The following ANKRD16 variants were observed in gnomAD, a reference collection of about 807,000 sequenced individuals.
ANKRD16 encodes the protein ankyrin repeat domain-containing protein 16.
A neutral mutation model predicts 37.9 loss-of-function variants in ANKRD16; 35 were observed. The observed-to-expected ratio is 0.92, with a 90% CI of 0.71 to 1.23. ANKRD16 has a LOEUF of 1.23. Ranked by LOEUF, ANKRD16 falls within the 50% of genes most tolerant of loss-of-function variation. The pLI is 0.00. For synonymous variants in ANKRD16, 206 were observed against 197.2 expected (o/e 1.04, Z -0.37); for missense variants, 480 against 469.9 (o/e 1.02, Z -0.20).
At position 5,889,387 on chromosome 10, in the gene ANKRD16, C is replaced by T; in HGVS notation, c.-33G>A. 2 of 1,184,212 alleles carry T rather than the reference C, an allele frequency of 1.7e-6. No homozygotes were observed. The highest frequency in any genetic ancestry group is 2.1e-6 in the Non-Finnish European group (2 of 958,640). 73.4% of individuals were successfully genotyped at this position (1,184,212 alleles called of 1,614,324 possible). On this transcript the variant is annotated 5_prime_UTR_variant, in exon 1 of 8. Coordinates refer to ENST00000380094, the MANE Select transcript of ANKRD16 (RefSeq NM_019046.3). The stretch of plus-strand genomic sequence containing the variant: ...GGTCGGGCCGGGCTGCGCGGGGAGG[C>T]GGCGGGCGGGACACCGGCGGCCGGG...
Position 5,862,403 on chromosome 10 carries a change from C to T in ANKRD16, c.*322G>A. 4.6e-6 allele frequency: 2 copies of T among 434,136 alleles called. No homozygotes were observed. The highest frequency in any genetic ancestry group is 9.0e-6 in the Non-Finnish European group (2 of 221,056). 26.9% of individuals were successfully genotyped at this position (434,136 alleles called of 1,614,324 possible). Reference sequence around the variant, plus strand: ...AGGCACCACCTCAATCTGGGCCTGTCTGCTGTGGCTGGTCAGTTTCACTAT... The same window carrying T: ...AGGCACCACCTCAATCTGGGCCTGTTTGCTGTGGCTGGTCAGTTTCACTAT... On this transcript the variant is annotated 3_prime_UTR_variant, in exon 8 of 8. Transcript: ENST00000380094. The surrounding 1 kb of genome is among the most constrained non-coding windows in gnomAD (Gnocchi z 6.5).
Position 5,864,402 on chromosome 10 carries a change from C to T in ANKRD16, c.*34-1711G>A, listed in dbSNP as rs2131750986. Among the ~76,000 whole-genome samples the T allele has an allele frequency of 6.6e-6, 1 of 152,214 alleles. No homozygotes were observed. The highest frequency in any genetic ancestry group is 1.9e-4 in the East Asian group (1 of 5,186). On this transcript the variant is annotated intron_variant, in intron 7 of 7. Transcript: ENST00000380094. This position sits in a 1 kb window ranked among gnomAD's most constrained non-coding sequence, Gnocchi z 4.4. ...GTATGGGGAGGGGAATTTGGCCCAA[C>T]CCGGGTACATGTCCCCTTCTCCTTC...
At position 5,882,064 on chromosome 10, in the gene ANKRD16, C is replaced by T. The variant is rs924494934; in HGVS notation, c.849+942G>A. ...GGGATTACAGGAGTGAGCCACTGCG[C>T]CTGGCCTATAAAATAATTTATACAC... is the stretch of plus-strand genomic sequence containing the variant. On this transcript the variant is annotated intron_variant, in intron 5 of 7. Transcript: ENST00000380094. Among the ~76,000 whole-genome samples the T allele has an allele frequency of 2.6e-5, 4 of 151,990 alleles. No individual in the cohort carries two copies. In the South Asian group the frequency reaches 8.3e-4, roughly 32 times the overall value.
rs769790484 is a variant in ANKRD16, at chr10:5,884,035, G to A, written c.621C>T (p.Thr207=). ...EPDYRDNCGV[T]ALMDAIQCGH... ...CACACTGGATTGCGTCCATCAAGGCGGTGACGCCACAGTTGTCTCTGTAGT... is the reference window on the plus strand; with the variant it reads ...CACACTGGATTGCGTCCATCAAGGCAGTGACGCCACAGTTGTCTCTGTAGT... The change falls in exon 4 of 8, where the codon ACC becomes ACT. Residue 207 remains threonine (T), a synonymous_variant. Transcript: ENST00000380094. The A allele has an allele frequency of 1.9e-5, 30 of 1,614,028 alleles. No individual in the cohort carries two copies. The highest frequency in any genetic ancestry group is 1.6e-4 in the Middle Eastern group (1 of 6,084).
intron 5 of ANKRD16, among the ~76,000 whole-genome samples, chr10:5,881,324 A>C (rs917870243): frequency 6.6e-6 from 1 of 150,830 alleles, no homozygotes; most frequent in Non-Finnish European, 1.5e-5. Flanking sequence ...CTCTTTGTTG[A>C]AATCTTTAGG....
intron 5 of ANKRD16, 63 bp downstream of exon 5, chr10:5,882,943 A>C: frequency 1.3e-6 from 2 of 1,553,446 alleles, no homozygotes; most frequent in Non-Finnish European, 1.7e-6. Flanking sequence ...CTGCAGAGCT[A>C]CTGATCAAAG....
intron 4 of ANKRD16, 106 bp downstream of exon 4, chr10:5,883,863 G>A: frequency 1.1e-6 from 1 of 913,440 alleles, no homozygotes; most frequent in Non-Finnish European, 1.7e-6. Flanking sequence ...GTTTGGAGGG[G>A]CTGGGGAATG....
At chr10:5,872,700 G>A (rs999600480) in intron 7 of ANKRD16, among the ~76,000 whole-genome samples, 5 of 149,820 alleles carry the variant, frequency 3.3e-5, no homozygotes, top group African/African-American at 9.8e-5. Flanking sequence ...AGGACTACAG[G>A]CGCCCGCCAC....
intron 5 of ANKRD16, among the ~76,000 whole-genome samples, chr10:5,882,009 G>GATCC (rs1331613745): frequency 6.6e-6 from 1 of 151,642 alleles, no homozygotes; most frequent in Non-Finnish European, 1.5e-5. Context: ...TTGACCCCGT[G>GATCC]ATCCGCCCGC....
intron 2 of ANKRD16, 89 bp downstream of exon 2, chr10:5,887,758 G>A: frequency 2.0e-6 from 2 of 993,262 alleles, no homozygotes; most frequent in Non-Finnish European, 2.7e-6. Context: ...CCTTTCCCCT[G>A]AAGGTGACCT....
At chr10:5,879,199 C>G (rs564106450) in intron 6 of ANKRD16, among the ~76,000 whole-genome samples, 1 of 152,266 alleles carries the variant, frequency 6.6e-6, no homozygotes, top group South Asian at 2.1e-4. Context: ...CTAGGCCAGG[C>G]GCGGTGGCTC....
chr10:5,864,999 C>T lies in ANKRD16; in HGVS notation c.*34-2308G>A, dbSNP rs1205336412. Among the ~76,000 whole-genome samples the T allele has an allele frequency of 6.6e-6, 1 of 152,182 alleles. No homozygotes were observed. Among genetic ancestry groups the T allele is most frequent in the Non-Finnish European group, 1.5e-5 (1 of 68,030 alleles). On this transcript the variant is annotated intron_variant, in intron 7 of 7. Transcript: ENST00000380094. This position sits in a 1 kb window ranked among gnomAD's most constrained non-coding sequence, Gnocchi z 4.4. ...CAGGAGAGAGCTCCAAAAGCGAGCC[C>T]TGGGCCCTGAACAAAATCTGGAGGC...
chr10:5,872,801 C>CT (rs1320864866), intron 7 of ANKRD16, among the ~76,000 whole-genome samples: 2 of 151,780 alleles, frequency 1.3e-5, no homozygotes, highest in Admixed American at 6.6e-5. Flanking sequence ...CGTGATCTGC[C>CT]CCCCTTGGCC....
At chr10:5,879,901 G>A (rs964655146) in intron 6 of ANKRD16, among the ~76,000 whole-genome samples, 2 of 152,160 alleles carry the variant, frequency 1.3e-5, no homozygotes, top group Admixed American at 6.5e-5. Flanking sequence ...GCTCATGCCT[G>A]TAATCCCAGC....
intron 7 of ANKRD16, among the ~76,000 whole-genome samples, chr10:5,872,069 C>T (rs1354670028): frequency 1.3e-5 from 2 of 152,134 alleles, no homozygotes; most frequent in African/African-American, 4.8e-5. Context: ...AAAACGGAAA[C>T]CAATGAAAGA....
At position 5,864,168 on chromosome 10, in the gene ANKRD16, G is replaced by A. The variant is rs1841982060; in HGVS notation, c.*34-1477C>T. Among the ~76,000 whole-genome samples the A allele has an allele frequency of 1.3e-5, 2 of 152,062 alleles. No individual in the cohort carries two copies. Among genetic ancestry groups the A allele is most frequent in the African/African-American group, 4.8e-5 (2 of 41,346 alleles). On this transcript the variant is annotated intron_variant, in intron 7 of 7. Transcript: ENST00000380094. This position sits in a 1 kb window ranked among gnomAD's most constrained non-coding sequence, Gnocchi z 4.4. ...ACCTTATGTCCAAGCTTTCTTTTAAGGAGAATCCACAACTATGCAAAGCTT... is the reference window on the plus strand; with the variant it reads ...ACCTTATGTCCAAGCTTTCTTTTAAAGAGAATCCACAACTATGCAAAGCTT...
At position 5,887,945 on chromosome 10, in the gene ANKRD16, C is replaced by A. The variant is rs1470170495; in HGVS notation, c.437G>T (p.Arg146Leu). 1 of 1,614,186 alleles carries A rather than the reference C, an allele frequency of 6.2e-7. No homozygotes were observed. The highest frequency in any genetic ancestry group is 1.1e-5 in the South Asian group (1 of 91,082). ...CTGGAGGATCAGAGGGTCGCCTTCT[C>A]GACTGGCAATGTGGAAACTGTTCCA... ...DGWNSFHIASREGDPLILQYL... is the reference protein window; with the variant it reads ...DGWNSFHIASLEGDPLILQYL... Residue 146 changes from arginine to leucine, a missense_variant, in exon 2 of 8, where the codon CGA becomes CTA. Transcript: ENST00000380094.
Position 5,862,518 on chromosome 10 carries a change from G to A in ANKRD16, c.*207C>T. On this transcript the variant is annotated 3_prime_UTR_variant, in exon 8 of 8. Transcript: ENST00000380094. The surrounding 1 kb of genome is among the most constrained non-coding windows in gnomAD (Gnocchi z 6.5). Reference sequence around the variant, plus strand: ...CAGGGAGCTGACCTTGGGGGCCAGTGCAGATGTGGCACTGACTTCACCACT... The same window carrying A: ...CAGGGAGCTGACCTTGGGGGCCAGTACAGATGTGGCACTGACTTCACCACT... 9.7e-7 allele frequency: 1 copy of A among 1,027,674 alleles called. No individual in the cohort carries two copies. The highest frequency in any genetic ancestry group is 1.7e-5 in the African/African-American group (1 of 60,174). 63.7% of individuals were successfully genotyped at this position (1,027,674 alleles called of 1,614,324 possible).
At chr10:5,883,533 G>A (rs780770779) in intron 4 of ANKRD16, among the ~76,000 whole-genome samples, 2 of 152,094 alleles carry the variant, frequency 1.3e-5, no homozygotes, top group Non-Finnish European at 2.9e-5. Context: ...GACCTTAGAT[G>A]ACCCACCCGC....
Sources: gnomAD v4.1 joint callset for allele counts (sites outside exome capture counted in the v4.1 genomes callset) on GRCh38, gnomAD v4.1.1 for gene constraint, Gnocchi (gnomAD v3.1) non-coding constraint, MANE v1.5 for transcripts, NCBI Gene and HGNC (gene_info 2026-07-23, HGNC 2026-07-21) for gene names.